Variants in DNMT1 observed in about 807,000 individuals in gnomAD.
The protein encoded by DNMT1 is DNA (cytosine-5)-methyltransferase 1.
In DNMT1, 24 loss-of-function variants were observed where a neutral mutation model predicts 205.3. That is an observed-to-expected ratio of 0.12 (90% CI 0.08 to 0.16). The LOEUF is 0.16. DNMT1 is among the 10% of genes least tolerant of loss of function. The pLI is 1.00. For synonymous variants in DNMT1, 817 were observed against 839.8 expected, an observed-to-expected ratio of 0.97 and a Z score of 0.47; for missense variants, 1,293 against 2,177.7, an observed-to-expected ratio of 0.59 and a Z score of 8.09.
chr19:10,193,485 T>C (rs778559445), intron 1 of DNMT1, among the ~76,000 whole-genome samples: 5 of 151,868 alleles, frequency 3.3e-5, no homozygotes, highest in Non-Finnish European at 7.4e-5. Flanking sequence ...CACCTTAGTC[T>C]GTTGAGTAGT....
intron 1 of DNMT1, among the ~76,000 whole-genome samples, chr19:10,191,048 G>A (rs910114072): frequency 1.3e-4 from 20 of 151,678 alleles, no homozygotes; most frequent in Non-Finnish European, 1.6e-4. Flanking sequence ...GGGAGGTGGA[G>A]GTTGCAGTGA....
chr19:10,189,881 C>T (rs2039266737), intron 1 of DNMT1, among the ~76,000 whole-genome samples: 1 of 152,168 alleles, frequency 6.6e-6, no homozygotes, highest in Non-Finnish European at 1.5e-5. Flanking sequence ...TGGACAGGTG[C>T]TGCTCTCAAC....
chr19:10,159,302 G>A lies in DNMT1; in HGVS notation c.1280+356C>T, dbSNP rs1458561606. 2.0e-5 allele frequency among the ~76,000 whole-genome samples: 3 copies of A among 152,154 alleles called. No homozygotes were observed. Among genetic ancestry groups the A allele is most frequent in the East Asian group, 1.9e-4 (1 of 5,186 alleles). On this transcript the variant is annotated intron_variant, in intron 17 of 40. Coordinates refer to ENST00000359526, the MANE Select transcript of DNMT1 (RefSeq NM_001130823.3). This position sits in a 1 kb window ranked among gnomAD's most constrained non-coding sequence, Gnocchi z 5.0. ...ACCACCTCGGCTCACTGCAGCCTCC[G>A]CCTCCAGAGTTCAAGAAATTCTCCT...
At chr19:10,182,359 A>G (rs552901357) in intron 1 of DNMT1, among the ~76,000 whole-genome samples, 98 of 148,828 alleles carry the variant, frequency 6.6e-4, no homozygotes, top group African/African-American at 1.1e-3. Context: ...AATTATGTGT[A>G]TGTGTGTGTG....
chr19:10,187,424 G>A (rs1372416225), intron 1 of DNMT1, among the ~76,000 whole-genome samples: 3 of 151,902 alleles, frequency 2.0e-5, no homozygotes, highest in Non-Finnish European at 4.4e-5. Context: ...GCAACAGAGC[G>A]AGACCCTGTC....
rs1476338918 is a variant in DNMT1, at chr19:10,173,108, T to C, written c.750A>G (p.Glu250=). The C allele has an allele frequency of 6.2e-7, 1 of 1,614,068 alleles. No homozygotes were observed. The highest frequency in any genetic ancestry group is 8.5e-7 in the Non-Finnish European group (1 of 1,180,040). The change falls in exon 9 of 41, where the codon GAA becomes GAG. Residue 250 remains glutamate (E), a synonymous_variant. Coordinates refer to ENST00000359526, the MANE Select transcript of DNMT1 (RefSeq NM_001130823.3). ...RAKSGTRTEK[E]EERDEKEEKR... Reference sequence around the variant, plus strand: ...GCTTTACTTTTTCATCTCTTTCTTCTTCCTTTTCAGTGCGCGTTCCTGATT... The same window carrying C: ...GCTTTACTTTTTCATCTCTTTCTTCCTCCTTTTCAGTGCGCGTTCCTGATT...
intron 1 of DNMT1, among the ~76,000 whole-genome samples, chr19:10,190,319 T>TA (rs1324767780): frequency 1.3e-5 from 2 of 152,128 alleles, no homozygotes; most frequent in Non-Finnish European, 2.9e-5. Context: ...AAGCTGCAGA[T>TA]ACAGTGAATA....
Position 10,133,766 on chromosome 19 carries a change from C to A in DNMT1, c.4865-65G>T. The A allele has an allele frequency of 2.0e-6, 3 of 1,508,028 alleles. No individual in the cohort carries two copies. Among genetic ancestry groups the A allele is most frequent in the Non-Finnish European group, 2.7e-6 (3 of 1,105,748 alleles). The allele number at this position is 1,508,028 out of a possible 1,614,324, so 93.4% of individuals were successfully genotyped here. A position where few individuals can be genotyped will look rare whatever the true frequency, so the allele number is the denominator to read the frequency against. Reference sequence around the variant, plus strand: ...GCCCGGTGTCACGCCACTTGACAGGCGAGTAACAGACATGGACCATCAGGA... The same window carrying A: ...GCCCGGTGTCACGCCACTTGACAGGAGAGTAACAGACATGGACCATCAGGA... On this transcript the variant is annotated intron_variant, in intron 40 of 40. Transcript: ENST00000359526. This position sits in a 1 kb window ranked among gnomAD's most constrained non-coding sequence, Gnocchi z 4.1.
At position 10,189,612 on chromosome 19, in the gene DNMT1, T is replaced by TC. The variant is rs957193857; in HGVS notation, c.80+5207dup. On this transcript the variant is annotated intron_variant, in intron 1 of 40. Coordinates refer to ENST00000359526, the MANE Select transcript of DNMT1 (RefSeq NM_001130823.3). ...ATTTTTTTTTTTGAGATGGGGGGGG[T>TC]CTTCCTATGTTGCCCAGACTAGTCT... 2.9e-5 allele frequency among the ~76,000 whole-genome samples: 4 copies of TC among 136,726 alleles called. No homozygotes were observed. In the South Asian group the frequency reaches 6.9e-4, roughly 24 times the overall value. The allele number at this position is 136,726 out of a possible 152,430, so 89.7% of individuals were successfully genotyped here. A position where few individuals can be genotyped will look rare whatever the true frequency, so the allele number is the denominator to read the frequency against.
chr19:10,167,436 ATCC>A (rs1177114496), intron 10 of DNMT1, among the ~76,000 whole-genome samples: 34 of 152,012 alleles, frequency 2.2e-4, no homozygotes, highest in Non-Finnish European at 3.7e-4. Context: ...ACCTCAAGTG[ATCC>A]ACCCGCCTCA....
chr19:10,185,635 T>C (rs1250694579), intron 1 of DNMT1, among the ~76,000 whole-genome samples: 1 of 151,918 alleles, frequency 6.6e-6, no homozygotes, highest in Non-Finnish European at 1.5e-5. Flanking sequence ...GAGACCAGCC[T>C]GGGCTACACT....
In DNMT1 at chr19:10,151,714, T is replaced by A; in HGVS notation, c.2117+36A>T. On this transcript the variant is annotated intron_variant, in intron 23 of 40. Transcript: ENST00000359526. This position sits in a 1 kb window ranked among gnomAD's most constrained non-coding sequence, Gnocchi z 5.0. ...AGTGCATCTGCCACCAGCTGGCAAG[T>A]CCTCTGCCACAGGAGGAAGACTCGG... is the stretch of plus-strand genomic sequence containing the variant. 1 of 1,612,156 alleles carries A rather than the reference T, an allele frequency of 6.2e-7. No individual in the cohort carries two copies. Among genetic ancestry groups the A allele is most frequent in the Non-Finnish European group, 8.5e-7 (1 of 1,178,256 alleles).
chr19:10,167,199 CT>C (rs369910549), intron 10 of DNMT1, among the ~76,000 whole-genome samples: 49 of 147,292 alleles, frequency 3.3e-4, no homozygotes, highest in Admixed American at 3.4e-4. Flanking sequence ...TTCTTTTTTC[CT>C]TTTTTTTTTT....
Position 10,156,941 on chromosome 19 carries a change from G to A in DNMT1, c.1281-432C>T, listed in dbSNP as rs548094488. Among the ~76,000 whole-genome samples the A allele has an allele frequency of 1.3e-5, 2 of 152,166 alleles. No individual in the cohort carries two copies. Among genetic ancestry groups the A allele is most frequent in the Admixed American group, 1.3e-4 (2 of 15,264 alleles). The stretch of plus-strand genomic sequence containing the variant: ...CCCGACACTCATTTTTTGGTTGCGG[G>A]AACACTGGATTAAGACAGCGTTCTA... On this transcript the variant is annotated intron_variant, in intron 17 of 40. Transcript: ENST00000359526. This position sits in a 1 kb window ranked among gnomAD's most constrained non-coding sequence, Gnocchi z 4.2.
intron 1 of DNMT1, among the ~76,000 whole-genome samples, chr19:10,185,941 G>T (rs1277615281): frequency 6.6e-6 from 1 of 152,076 alleles, no homozygotes; most frequent in Non-Finnish European, 1.5e-5. Context: ...TAGCAACTGG[G>T]GTCCAAGGAG....
intron 1 of DNMT1, among the ~76,000 whole-genome samples, chr19:10,183,432 A>T (rs887535868): frequency 6.6e-6 from 1 of 152,096 alleles, no homozygotes; most frequent in African/African-American, 2.4e-5. Flanking sequence ...TTTAAAAGGT[A>T]CCAGAGACCA....
rs142246610 is a variant in DNMT1, at chr19:10,183,081, GTATA to G, written c.81-1008_81-1005del. ...CGTATATATGTATACATATGTGTGT[GTATA>G]TATATATACACGTATATATACGTGT... On this transcript the variant is annotated intron_variant, in intron 1 of 40. Transcript: ENST00000359526. Among the ~76,000 whole-genome samples, 62 of 139,940 alleles carry G rather than the reference GTATA, an allele frequency of 4.4e-4. 1 individual carries two copies. Among genetic ancestry groups the G allele is most frequent in the East Asian group, 4.4e-3 (20 of 4,576 alleles). 91.8% of individuals were successfully genotyped at this position (139,940 alleles called of 152,430 possible). A position where few individuals can be genotyped will look rare whatever the true frequency, so the allele number is the denominator to read the frequency against.
intron 38 of DNMT1, 87 bp from the exon 39 acceptor site, chr19:10,135,939 G>A: frequency 6.7e-7 from 1 of 1,496,450 alleles, no homozygotes; most frequent in Non-Finnish European, 9.0e-7. Context: ...CACTGTGACA[G>A]CATACGGCCA....
Position 10,166,450 on chromosome 19 carries a change from G to A in DNMT1, c.891+148C>T, listed in dbSNP as rs951747731. 6 of 926,028 alleles carry A rather than the reference G, an allele frequency of 6.5e-6. No homozygotes were observed. In the African/African-American group the frequency reaches 8.2e-5, roughly 13 times the overall value. The allele number at this position is 926,028 out of a possible 1,614,324, so 57.4% of individuals were successfully genotyped here. A position where few individuals can be genotyped will look rare whatever the true frequency, so the allele number is the denominator to read the frequency against. Reference sequence around the variant, plus strand: ...ATCCCGGCCCCCAAAAGGAGGAAAAGGTGACCTTCCCAGAGTCTGGATGGC... The same window carrying A: ...ATCCCGGCCCCCAAAAGGAGGAAAAAGTGACCTTCCCAGAGTCTGGATGGC... On this transcript the variant is annotated intron_variant, in intron 11 of 40. Coordinates refer to ENST00000359526, the MANE Select transcript of DNMT1 (RefSeq NM_001130823.3).
Sources: gnomAD v4.1 joint callset for allele counts (sites outside exome capture counted in the v4.1 genomes callset) on GRCh38, gnomAD v4.1.1 for gene constraint, Gnocchi (gnomAD v3.1) non-coding constraint, MANE v1.5 for transcripts, NCBI Gene and HGNC (gene_info 2026-07-23, HGNC 2026-07-21) for gene names.